Variants in IQCK observed in about 807,000 individuals in gnomAD.
The protein encoded by IQCK is IQ motif containing K.
IQCK carries 29 observed loss-of-function variants against 28.1 expected under a neutral mutation model. The ratio of observed to expected loss-of-function variants is 1.03; its 90% confidence interval spans 0.77 to 1.41. IQCK has a LOEUF of 1.41. Ranked by LOEUF, IQCK falls within the 40% of genes most tolerant of loss-of-function variation. IQCK has a pLI of 0.00. For missense variants in IQCK, 359 were observed against 314.7 expected (o/e 1.14, Z -1.07); for synonymous variants, 113 against 115.1 (o/e 0.98, Z 0.12).
chr16:19,800,635 A>G (rs1204900796), intron 7 of IQCK, among the ~76,000 whole-genome samples: 2 of 38,512 alleles, frequency 5.2e-5, no homozygotes, highest in Admixed American at 5.6e-4. Flanking sequence ...AATAATCAAC[A>G]TCAGTCATGG....
chr16:19,747,816 G>C (rs1006105524), intron 4 of IQCK, among the ~76,000 whole-genome samples: 1 of 152,154 alleles, frequency 6.6e-6, no homozygotes, highest in Non-Finnish European at 1.5e-5. Flanking sequence ...CAAAATACAT[G>C]AGTTTGTTCC....
intron 1 of IQCK, among the ~76,000 whole-genome samples, chr16:19,729,596 C>A (rs1977764114): frequency 6.6e-6 from 1 of 151,840 alleles, no homozygotes; most frequent in Admixed American, 6.6e-5. Context: ...TGTAAGAGAC[C>A]AACCATCTCT....
chr16:19,776,790 T>TG (rs2055402147), intron 6 of IQCK, among the ~76,000 whole-genome samples: 1 of 152,148 alleles, frequency 6.6e-6, no homozygotes, highest in African/African-American at 2.4e-5. Context: ...TGTTCTTACC[T>TG]TTTAACAGGG....
intron 9 of IQCK, among the ~76,000 whole-genome samples, chr16:19,842,611 A>C (rs918573181): frequency 1.3e-5 from 2 of 152,192 alleles, no homozygotes; most frequent in African/African-American, 4.8e-5. Flanking sequence ...TGCCAGGAAA[A>C]ATGTTGCTTC....
chr16:19,720,137 G>A (rs1470854473), intron 1 of IQCK, among the ~76,000 whole-genome samples: 1 of 152,210 alleles, frequency 6.6e-6, no homozygotes, highest in East Asian at 1.9e-4. Flanking sequence ...GAGAATAGTA[G>A]ACTCAGTTGA....
chr16:19,827,564 G>C (rs1388935828), downstream of IQCK, among the ~76,000 whole-genome samples: 2 of 152,154 alleles, frequency 1.3e-5, no homozygotes, highest in Non-Finnish European at 2.9e-5. Flanking sequence ...ACTTGACCGG[G>C]CTGTGAGATG....
Position 19,790,358 on chromosome 16 carries a change from A to G in IQCK, c.690+1436A>G, listed in dbSNP as rs561114592. Among the ~76,000 whole-genome samples, 14 of 87,048 alleles carry G rather than the reference A, an allele frequency of 1.6e-4. 2 individuals carry two copies. In the East Asian group the frequency reaches 3.8e-3, roughly 24 times the overall value. 57.1% of individuals were successfully genotyped at this position (87,048 alleles called of 152,430 possible). A position where few individuals can be genotyped will look rare whatever the true frequency, so the allele number is the denominator to read the frequency against. On this transcript the variant is annotated intron_variant, in intron 7 of 7. Coordinates refer to ENST00000564186, the Ensembl canonical transcript of IQCK. ...CAATTATTTGGCAATTAGTGTATCA[A>G]TGTTAACAAGCTTCCATGAAGCTCC...
At chr16:19,826,967 A>G in intron 7 of IQCK, 59 bp from the exon 8 acceptor site, 1 of 1,063,286 alleles carries the variant, frequency 9.4e-7, no homozygotes, top group East Asian at 2.4e-5. Context: ...TGCAGGGTTA[A>G]TAAGCTAGTG....
intron 4 of IQCK, chr16:19,761,671 C>A (rs1263374214): frequency 3.5e-6 from 1 of 289,534 alleles, no homozygotes; most frequent in Non-Finnish European, 6.8e-6. Flanking sequence ...AAATAGAAGA[C>A]AGGATATCTG....
intron 7 of IQCK, among the ~76,000 whole-genome samples, chr16:19,801,329 A>T (rs2055757757): frequency 9.5e-6 from 1 of 105,096 alleles, no homozygotes; most frequent in Non-Finnish European, 1.7e-5. Flanking sequence ...ATGAGACAGG[A>T]TCTCTGTCTC....
chr16:19,719,551 C>G (rs1977409680), intron 1 of IQCK, among the ~76,000 whole-genome samples: 1 of 150,788 alleles, frequency 6.6e-6, no homozygotes, highest in Non-Finnish European at 1.5e-5. Flanking sequence ...GTTTGCGCCA[C>G]TGCACTCCAG....
chr16:19,740,011 A>G (rs928499896), intron 4 of IQCK, among the ~76,000 whole-genome samples: 1 of 152,194 alleles, frequency 6.6e-6, no homozygotes, highest in African/African-American at 2.4e-5. Context: ...TAAGCAACAG[A>G]CAGCACACAT....
At chr16:19,858,015 A>G (rs2141134222) in exon 10 of IQCK, 1 of 153,248 alleles carries the variant, frequency 6.5e-6, no homozygotes, top group African/African-American at 2.4e-5. Context: ...AGAGATTTTG[A>G]TCACAGATGC....
intron 6 of IQCK, among the ~76,000 whole-genome samples, chr16:19,782,179 C>T (rs2055494511): frequency 2.0e-5 from 3 of 151,866 alleles, no homozygotes; most frequent in Non-Finnish European, 2.9e-5. Context: ...GCTTTACATC[C>T]GGGTTGTGCT....
intron 6 of IQCK, among the ~76,000 whole-genome samples, chr16:19,781,946 G>A (rs1292294547): frequency 6.7e-6 from 1 of 150,308 alleles, no homozygotes; most frequent in East Asian, 2.0e-4. Context: ...CCGAGATCGT[G>A]CCACTGCACT....
intron 6 of IQCK, among the ~76,000 whole-genome samples, chr16:19,779,771 G>A (rs1464795050): frequency 1.3e-5 from 2 of 151,000 alleles, no homozygotes; most frequent in Admixed American, 6.6e-5. Flanking sequence ...AGGCTGGAGT[G>A]CAGTGGTGCG....
intron 6 of IQCK, among the ~76,000 whole-genome samples, chr16:19,778,027 C>T (rs946941325): frequency 3.3e-5 from 5 of 151,896 alleles, no homozygotes; most frequent in South Asian, 4.2e-4. Context: ...CACTCCAGCC[C>T]GGGTGACAGT....
chr16:19,850,106 C>T (rs1018192166), intron 9 of IQCK, among the ~76,000 whole-genome samples: 7 of 152,206 alleles, frequency 4.6e-5, no homozygotes. Context: ...TAATCATTCC[C>T]TGACTTTTGG....
intron 6 of IQCK, among the ~76,000 whole-genome samples, chr16:19,775,467 T>C (rs1182881013): frequency 1.3e-5 from 2 of 152,190 alleles, no homozygotes; most frequent in East Asian, 3.9e-4. Flanking sequence ...TACTTGGGTA[T>C]TATTCTGGGC....
Sources: allele counts gnomAD v4.1 joint callset (sites outside exome capture counted in the v4.1 genomes callset), GRCh38; gene constraint gnomAD v4.1.1; transcripts MANE v1.5; gene names NCBI Gene and HGNC (gene_info 2026-07-23, HGNC 2026-07-21).